Variants in SETBP1 observed in about 807,000 individuals in gnomAD.
SETBP1 encodes SET binding protein 1, also known as SET-binding protein.
A neutral mutation model predicts 101.0 loss-of-function variants in SETBP1; 9 were observed. That is an observed-to-expected ratio of 0.09 (90% CI 0.05 to 0.16). The LOEUF (loss-of-function observed/expected upper bound fraction) is 0.16, where lower values mean the gene tolerates loss of function less well. SETBP1 is among the 10% of genes least tolerant of loss of function. The pLI is 1.00. For synonymous variants in SETBP1, 818 were observed against 788.5 expected, an observed-to-expected ratio of 1.04 and a Z score of -0.63; for missense variants, 1,858 against 2,033.8, an observed-to-expected ratio of 0.91 and a Z score of 1.66.
intron 2 of SETBP1, among the ~76,000 whole-genome samples, chr18:44,792,961 G>A (rs996790089): frequency 2.0e-5 from 3 of 152,198 alleles, no homozygotes; most frequent in Non-Finnish European, 2.9e-5. Flanking sequence ...GGAGAGCTTT[G>A]AGAATGCAAG....
At chr18:44,741,261 G>T (rs1436096304) in intron 2 of SETBP1, among the ~76,000 whole-genome samples, 1 of 152,182 alleles carries the variant, frequency 6.6e-6, no homozygotes, top group African/African-American at 2.4e-5. Flanking sequence ...AACAAGCAGT[G>T]TTCACTGTGC....
intron 2 of SETBP1, among the ~76,000 whole-genome samples, chr18:44,817,709 A>C (rs985644356): frequency 1.3e-5 from 2 of 151,826 alleles, no homozygotes; most frequent in Admixed American, 1.3e-4. Flanking sequence ...AAAAAAAAAA[A>C]GGCTTCACAC....
intron 2 of SETBP1, among the ~76,000 whole-genome samples, chr18:44,765,966 T>C (rs1000643567): frequency 6.6e-6 from 1 of 152,230 alleles, no homozygotes; most frequent in African/African-American, 2.4e-5. Context: ...TGGTGTTTAT[T>C]AGCCAGCCTG....
intron 2 of SETBP1, among the ~76,000 whole-genome samples, chr18:44,777,995 T>C (rs1599112837): frequency 6.6e-6 from 1 of 152,322 alleles, no homozygotes; most frequent in East Asian, 1.9e-4. Context: ...CACTGACAGA[T>C]TCCCTGGGGC....
intron 2 of SETBP1, among the ~76,000 whole-genome samples, chr18:44,830,030 AG>A (rs1159297195): frequency 6.6e-6 from 1 of 152,244 alleles, no homozygotes; most frequent in Non-Finnish European, 1.5e-5. Context: ...GTTTACACAG[AG>A]GCACTCATTC....
At chr18:44,864,179 G>A (rs1216174473) in intron 2 of SETBP1, among the ~76,000 whole-genome samples, 1 of 152,150 alleles carries the variant, frequency 6.6e-6, no homozygotes, top group African/African-American at 2.4e-5. Flanking sequence ...AGTTTGCAGG[G>A]AGAAGGGCAG....
intron 2 of SETBP1, among the ~76,000 whole-genome samples, chr18:44,717,003 C>T (rs540361960): frequency 1.1e-4 from 17 of 152,234 alleles, no homozygotes; most frequent in Non-Finnish European, 2.4e-4. Context: ...ACACACATTG[C>T]TACCGAATCT....
chr18:44,900,821 A>G (rs1599296555), intron 3 of SETBP1, among the ~76,000 whole-genome samples: 1 of 152,132 alleles, frequency 6.6e-6, no homozygotes, highest in South Asian at 2.1e-4. Flanking sequence ...CTGCTTGAGA[A>G]GGGCTGCCAC....
chr18:44,838,892 T>C (rs2072554486), intron 2 of SETBP1, among the ~76,000 whole-genome samples: 2 of 152,118 alleles, frequency 1.3e-5, no homozygotes, highest in Non-Finnish European at 1.5e-5. Flanking sequence ...TGTTGTGGCA[T>C]GCAGGAGCCA....
In SETBP1 at chr18:45,063,817, C is replaced by T. The variant is rs986552999; in HGVS notation, c.*119C>T. 2.9e-5 allele frequency: 36 copies of T among 1,222,000 alleles called. No individual in the cohort carries two copies. The highest frequency in any genetic ancestry group is 3.9e-5 in the Non-Finnish European group (34 of 881,804). 75.7% of individuals were successfully genotyped at this position (1,222,000 alleles called of 1,614,324 possible). On this transcript the variant is annotated 3_prime_UTR_variant, in exon 6 of 6. Transcript: ENST00000649279. ...CACCCACGCCCTTCTCTCCAGAAGC[C>T]GGGCAGGCAGAATCCGGCCAGACGA...
chr18:44,803,508 G>A (rs921470981), intron 2 of SETBP1, among the ~76,000 whole-genome samples: 7 of 152,070 alleles, frequency 4.6e-5, no homozygotes, highest in Non-Finnish European at 8.8e-5. Context: ...AAGCTGCTTC[G>A]AGACTCCTGC....
At chr18:45,044,733 A>G (rs781747041) in intron 5 of SETBP1, among the ~76,000 whole-genome samples, 2 of 152,138 alleles carry the variant, frequency 1.3e-5, no homozygotes, top group Non-Finnish European at 2.9e-5. Flanking sequence ...CCACAGTATT[A>G]TTTTCAAAAA....
At chr18:45,027,416 G>A (rs969357363) in intron 4 of SETBP1, among the ~76,000 whole-genome samples, 3 of 152,100 alleles carry the variant, frequency 2.0e-5, no homozygotes, top group Admixed American at 6.6e-5. Context: ...ATAACCCAAT[G>A]TCTCATGATT....
chr18:44,907,326 GT>G (rs1245503720), intron 3 of SETBP1, among the ~76,000 whole-genome samples: 4 of 152,180 alleles, frequency 2.6e-5, no homozygotes, highest in South Asian at 2.1e-4. Flanking sequence ...TTATGTAGAA[GT>G]TTTTGCATGA....
chr18:44,697,713 G>C (rs2069043377), intron 1 of SETBP1, among the ~76,000 whole-genome samples: 1 of 152,190 alleles, frequency 6.6e-6, no homozygotes, highest in African/African-American at 2.4e-5. Context: ...ACAATACAAG[G>C]CTGGTATTTA....
Position 44,790,288 on chromosome 18 carries a change from G to GT in SETBP1, c.487-78934dup, listed in dbSNP as rs926668649. ...ACTGTTCGTCAAGAAGTACTATTCA[G>GT]TTTTTTTTCTCTGCTGGGTACCTTG... On this transcript the variant is annotated intron_variant, in intron 2 of 5. Transcript: ENST00000649279. Among the ~76,000 whole-genome samples the GT allele has an allele frequency of 1.5e-4, 23 of 152,016 alleles. No homozygotes were observed. The East Asian group carries it at 4.0e-3, about 27-fold the overall frequency.
chr18:44,876,439 C>G, intron 3 of SETBP1: 1 of 663,762 alleles, frequency 1.5e-6, no homozygotes, highest in East Asian at 2.8e-5. Context: ...ATTATCAGGG[C>G]AGTTTGAAAA....
intron 2 of SETBP1, among the ~76,000 whole-genome samples, chr18:44,829,155 G>A (rs919441321): frequency 5.9e-5 from 9 of 152,192 alleles, no homozygotes; most frequent in African/African-American, 2.2e-4. Context: ...AAGAGAAATG[G>A]TTCCCACTAC....
At chr18:45,016,764 CACAG>C (rs748760419) in intron 4 of SETBP1, among the ~76,000 whole-genome samples, 12 of 136,410 alleles carry the variant, frequency 8.8e-5, no homozygotes, top group South Asian at 2.5e-4. Context: ...CACACACACA[CACAG>C]AGAGCTCTCA....
Sources: gnomAD v4.1 joint callset for allele counts (sites outside exome capture counted in the v4.1 genomes callset) on GRCh38, gnomAD v4.1.1 for gene constraint, MANE v1.5 for transcripts, NCBI Gene and HGNC (gene_info 2026-07-23, HGNC 2026-07-21) for gene names.